Variants in NBEA observed in about 807,000 individuals in gnomAD.
NBEA encodes neurobeachin, also known as lysosomal-trafficking regulator 2.
A neutral mutation model predicts 343.4 loss-of-function variants in NBEA; 44 were observed. The observed-to-expected ratio is 0.13, with a 90% CI of 0.10 to 0.16. The LOEUF (loss-of-function observed/expected upper bound fraction) is 0.16. Ranked by LOEUF, NBEA falls within the 10% of genes least tolerant of loss-of-function variation. The pLI is 1.00. For synonymous variants in NBEA, 1,175 were observed against 1,238.7 expected, an observed-to-expected ratio of 0.95 and a Z score of 1.08; for missense variants, 2,555 against 3,631.3, an observed-to-expected ratio of 0.70 and a Z score of 7.62.
intron 41 of NBEA, among the ~76,000 whole-genome samples, chr13:35,473,235 C>G (rs2075731419): frequency 6.6e-6 from 1 of 152,074 alleles, no homozygotes; most frequent in Non-Finnish European, 1.5e-5. Flanking sequence ...TTTCTGAGAT[C>G]TGTTCTAATG....
intron 1 of NBEA, among the ~76,000 whole-genome samples, chr13:34,951,857 A>C (rs2059359814): frequency 6.6e-6 from 1 of 152,224 alleles, no homozygotes; most frequent in African/African-American, 2.4e-5. Flanking sequence ...TTAGAAGACT[A>C]CTTGGGTAAC....
chr13:35,237,237 G>A (rs1208047831), intron 34 of NBEA, among the ~76,000 whole-genome samples: 5 of 151,940 alleles, frequency 3.3e-5, no homozygotes, highest in Non-Finnish European at 5.9e-5. Flanking sequence ...CCTGGGCACC[G>A]GAGACCCTGT....
intron 34 of NBEA, among the ~76,000 whole-genome samples, chr13:35,244,545 T>C (rs1304351700): frequency 1.3e-5 from 2 of 152,114 alleles, no homozygotes; most frequent in Non-Finnish European, 2.9e-5. Flanking sequence ...AGTCAGGTAA[T>C]GTGATGTCTC....
rs547094557 is a variant in NBEA, at chr13:35,045,053, C to A, written c.627+6C>A. 1.2e-6 allele frequency: 2 copies of A among 1,602,186 alleles called. No homozygotes were observed. The highest frequency in any genetic ancestry group is 2.2e-5 in the South Asian group (2 of 89,014). ...GAGGAGAAAGTGGAATCTGGGTAAG[C>A]TGTGGTCGGAGGGAAAGGTATTCAG... On this transcript the variant is annotated splice_donor_region_variant and intron_variant, in intron 3 of 58. Coordinates refer to ENST00000379939, the MANE Select transcript of NBEA (RefSeq NM_001385012.1).
At chr13:35,216,865 C>T (rs1423960173) in intron 33 of NBEA, among the ~76,000 whole-genome samples, 2 of 151,770 alleles carry the variant, frequency 1.3e-5, no homozygotes, top group Admixed American at 6.6e-5. Context: ...TTACAGTGGA[C>T]ATCTGTTTTT....
intron 18 of NBEA, among the ~76,000 whole-genome samples, chr13:35,152,999 A>G (rs967447849): frequency 7.3e-6 from 1 of 137,270 alleles, no homozygotes; most frequent in Non-Finnish European, 1.6e-5. Flanking sequence ...TTTATATTTC[A>G]TTATTCCCTT....
Position 35,196,262 on chromosome 13 carries a change from A to G in NBEA, c.5326A>G (p.Thr1776Ala), listed in dbSNP as rs779867890. 1.2e-6 allele frequency: 2 copies of G among 1,613,388 alleles called. No homozygotes were observed. The highest frequency in any genetic ancestry group is 3.3e-5 in the Admixed American group (2 of 59,970). Residue 1776 changes from threonine to alanine, a missense_variant, in exon 31 of 59, where the codon ACA (threonine) becomes GCA (alanine). This residue lies in a region of NBEA where 270 missense variants were observed against 293.3 expected (regional missense o/e 0.92). Transcript: ENST00000379939. ...CCCAGATCCAGCATTGAAGAGAGAA[A>G]CACAAGCTATTCTTCCTATGCAGTT... Reference protein sequence around the residue: ...PYPDPALKRETQAILPMQFHS... With the variant: ...PYPDPALKREAQAILPMQFHS...
intron 1 of NBEA, among the ~76,000 whole-genome samples, chr13:34,948,287 T>C (rs1593256608): frequency 1.3e-5 from 2 of 152,100 alleles, no homozygotes; most frequent in South Asian, 2.1e-4. Flanking sequence ...GTGGCAAGAA[T>C]TGTGGTGATT....
chr13:35,415,494 C>T (rs964086376), intron 38 of NBEA, among the ~76,000 whole-genome samples: 1 of 152,124 alleles, frequency 6.6e-6, no homozygotes, highest in African/African-American at 2.4e-5. Flanking sequence ...ATAGGGAATC[C>T]TTTCCCCATT....
At chr13:35,336,917 A>G (rs1328744784) in intron 36 of NBEA, among the ~76,000 whole-genome samples, 1 of 152,112 alleles carries the variant, frequency 6.6e-6, no homozygotes, top group East Asian at 1.9e-4. Context: ...CCTATCGGCT[A>G]CAGTGCTTAT....
chr13:35,548,788 G>A (rs2079180205), intron 41 of NBEA, among the ~76,000 whole-genome samples: 1 of 151,938 alleles, frequency 6.6e-6, no homozygotes, highest in Non-Finnish European at 1.5e-5. Flanking sequence ...AACCATTATA[G>A]CCAACTAACA....
At chr13:35,274,314 C>T (rs1033602380) in intron 34 of NBEA, among the ~76,000 whole-genome samples, 8 of 152,154 alleles carry the variant, frequency 5.3e-5, no homozygotes, top group African/African-American at 1.9e-4. Context: ...AATTCAACAG[C>T]GTTTCATGCT....
intron 40 of NBEA, among the ~76,000 whole-genome samples, chr13:35,470,845 G>A (rs762865451): frequency 5.3e-5 from 8 of 152,192 alleles, no homozygotes; most frequent in African/African-American, 1.2e-4. Context: ...ACTTGTAATC[G>A]TACAAGAGAT....
At chr13:35,126,124 G>A (rs1007228049) in intron 17 of NBEA, among the ~76,000 whole-genome samples, 19 of 152,186 alleles carry the variant, frequency 1.2e-4, no homozygotes, top group Admixed American at 9.8e-4. Context: ...GATCATGGGG[G>A]CAGTTCCCCC....
intron 30 of NBEA, among the ~76,000 whole-genome samples, chr13:35,188,906 G>GTTT (rs571102808): frequency 9.1e-6 from 1 of 109,758 alleles, no homozygotes; most frequent in Non-Finnish European, 1.9e-5. Flanking sequence ...TTTACTTTTT[G>GTTT]TTTTTTTTTT....
chr13:35,184,483 G>A (rs2071548027), intron 30 of NBEA, among the ~76,000 whole-genome samples: 3 of 151,884 alleles, frequency 2.0e-5, no homozygotes, highest in Admixed American at 2.0e-4. Context: ...CCCCAACACT[G>A]TAAAGGAATG....
At position 35,195,928 on chromosome 13, in the gene NBEA, T is replaced by G; in HGVS notation, c.4992T>G (p.Ile1664Met). The change falls in exon 31 of 59, where the codon ATT becomes ATG. Residue 1664 changes from isoleucine (I) to methionine (M), a missense_variant. Physicochemically the swap from Ile to Met is conservative, Grantham distance 10 (BLOSUM62 1). This residue lies in a region of NBEA where 270 missense variants were observed against 293.3 expected (regional missense o/e 0.92). Transcript: ENST00000379939. ...EKETPTPGEDIQVESSIPHTD... is the reference protein window; with the variant it reads ...EKETPTPGEDMQVESSIPHTD... ...AAACACCAACTCCTGGTGAAGATAT[T>G]CAGGTAGAAAGTTCAATTCCCCATA... 1 of 1,613,240 alleles carries G rather than the reference T, an allele frequency of 6.2e-7. No individual in the cohort carries two copies. Among genetic ancestry groups the G allele is most frequent in the Non-Finnish European group, 8.5e-7 (1 of 1,179,586 alleles).
At chr13:35,539,915 C>CAAAAAAAAAAAAAAAAAAAAAAAA in intron 41 of NBEA, among the ~76,000 whole-genome samples, 1 of 39,614 alleles carries the variant, frequency 2.5e-5, no homozygotes, top group East Asian at 4.1e-4. Context: ...GACTCCGTCT[C>CAAAAAAAAAAAAAAAAAAAAAAAA]AAAAAAAAAA....
In NBEA at chr13:35,015,009, G is replaced by A. The variant is rs1173116242; in HGVS notation, c.295-25924G>A. Reference sequence around the variant, plus strand: ...GGTTGGTGTCACTCAGGACAGGGCCGCATCATCACCTCCTCTTGCCTCTGA... The same window carrying A: ...GGTTGGTGTCACTCAGGACAGGGCCACATCATCACCTCCTCTTGCCTCTGA... On this transcript the variant is annotated intron_variant, in intron 1 of 58. Coordinates refer to ENST00000379939, the MANE Select transcript of NBEA (RefSeq NM_001385012.1). 5.3e-5 allele frequency among the ~76,000 whole-genome samples: 8 copies of A among 151,272 alleles called. No individual in the cohort carries two copies. In the South Asian group the frequency reaches 1.5e-3, roughly 28 times the overall value.
Sources: gnomAD v4.1 joint callset for allele counts (sites outside exome capture counted in the v4.1 genomes callset) on GRCh38, gnomAD v4.1.1 for gene constraint, gnomAD v4.1.1 regional missense constraint, MANE v1.5 for transcripts, NCBI Gene and HGNC (gene_info 2026-07-23, HGNC 2026-07-21) for gene names.